SCOC: variants seen among roughly 807,000 people sequenced by gnomAD.
The protein encoded by SCOC is short coiled coil protein.
A neutral mutation model predicts 9.9 loss-of-function variants in SCOC; 7 were observed. The ratio of observed to expected loss-of-function variants is 0.71; its 90% CI spans 0.40 to 1.33. The LOEUF (loss-of-function observed/expected upper bound fraction) is 1.33, where lower values mean the gene tolerates loss of function less well. Ranked by LOEUF, SCOC falls within the 40% of genes most tolerant of loss-of-function variation. The pLI, the probability that SCOC is intolerant of heterozygous loss-of-function variation, is 0.01. For synonymous variants in SCOC, 19 were observed against 28.2 expected, an observed-to-expected ratio of 0.67 and a Z score of 1.03; for missense variants, 66 against 89.7, an observed-to-expected ratio of 0.74 and a Z score of 1.07.
chr4:140,308,996 T>C (rs1278223863), intron 1 of SCOC, among the ~76,000 whole-genome samples: 1 of 152,098 alleles, frequency 6.6e-6, no homozygotes, highest in Non-Finnish European at 1.5e-5. Context: ...AGGGCCATGA[T>C]GTGAGTAGAA....
At chr4:140,318,209 CA>C (rs1560698626) in intron 1 of SCOC, among the ~76,000 whole-genome samples, 1 of 134,360 alleles carries the variant, frequency 7.4e-6, no homozygotes, top group African/African-American at 3.0e-5. Flanking sequence ...CAATGGCAAC[CA>C]AAGCCAAAAT....
chr4:140,270,224 A>G (rs888923937), intron 1 of SCOC, among the ~76,000 whole-genome samples: 3 of 152,232 alleles, frequency 2.0e-5, no homozygotes, highest in Non-Finnish European at 2.9e-5. Flanking sequence ...ATTATGGGAT[A>G]CCATTCACTG....
intron 1 of SCOC, among the ~76,000 whole-genome samples, chr4:140,277,796 T>C (rs997618181): frequency 1.3e-5 from 2 of 152,216 alleles, no homozygotes; most frequent in African/African-American, 2.4e-5. Context: ...AGGATGCATG[T>C]TTGTTTCTAG....
intron 2 of SCOC, among the ~76,000 whole-genome samples, chr4:140,365,227 A>G (rs1192241463): frequency 6.6e-6 from 1 of 152,084 alleles, no homozygotes; most frequent in Non-Finnish European, 1.5e-5. Context: ...TCTTGGAGAA[A>G]TGTAAGAGCT....
intron 2 of SCOC, among the ~76,000 whole-genome samples, chr4:140,359,701 A>G (rs1375381751): frequency 2.0e-5 from 3 of 152,234 alleles, no homozygotes; most frequent in South Asian, 2.1e-4. Context: ...GTCTCATTCA[A>G]TATGACATCA....
chr4:140,379,095 A>G (rs540835665), intron 1 of SCOC, 26 bp from the exon 2 acceptor site: 26 of 1,406,672 alleles, frequency 1.8e-5, no homozygotes, highest in African/African-American at 1.4e-4. Flanking sequence ...GTATGTGTCT[A>G]TATTTCTGAA....
intron 1 of SCOC, among the ~76,000 whole-genome samples, chr4:140,314,986 C>T (rs1427482642): frequency 2.6e-5 from 4 of 152,190 alleles, no homozygotes; most frequent in Non-Finnish European, 5.9e-5. Context: ...GTCCCTTGAA[C>T]CCAAAAGAAT....
Position 140,301,690 on chromosome 4 carries a change from A to G in SCOC, c.-18-41931A>G, listed in dbSNP as rs186257711. On this transcript the variant is annotated intron_variant, in intron 1 of 4. Transcript: ENST00000394205. ...GACGAGAGTCTGGGTCTCAGCTGTG[A>G]AGTTACAGATGGAGGCATGGCTGAA... Among the ~76,000 whole-genome samples, 5 of 152,212 alleles carry G rather than the reference A, an allele frequency of 3.3e-5. No individual in the cohort carries two copies. The East Asian group carries it at 9.7e-4, about 30-fold the overall frequency.
intron 2 of SCOC, among the ~76,000 whole-genome samples, chr4:140,361,987 C>T (rs72939835): frequency 2.5e-3 from 380 of 152,106 alleles, no homozygotes; most frequent in African/African-American, 8.0e-3. Context: ...TCTTCTAAGG[C>T]TGAAGGGGAC....
At chr4:140,292,516 T>G (rs1731505728) in intron 1 of SCOC, among the ~76,000 whole-genome samples, 1 of 152,176 alleles carries the variant, frequency 6.6e-6, no homozygotes. Context: ...TGATGGCTTA[T>G]GCTAGCTAAT....
chr4:140,280,744 C>T (rs983663782), intron 1 of SCOC, among the ~76,000 whole-genome samples: 1 of 151,954 alleles, frequency 6.6e-6, no homozygotes, highest in Non-Finnish European at 1.5e-5. Context: ...GAAAACACAT[C>T]GGGTAGATTT....
At chr4:140,305,871 A>G (rs1399907591) in intron 1 of SCOC, among the ~76,000 whole-genome samples, 3 of 152,240 alleles carry the variant, frequency 2.0e-5, no homozygotes, top group Non-Finnish European at 4.4e-5. Flanking sequence ...ACAACGCTAG[A>G]GTCAGGGGGA....
chr4:140,317,442 G>T (rs1021868767), intron 1 of SCOC, among the ~76,000 whole-genome samples: 2 of 151,972 alleles, frequency 1.3e-5, no homozygotes, highest in Admixed American at 6.6e-5. Context: ...GTTCTGTTCC[G>T]TTCTGATTAC....
At chr4:140,302,034 ATGTTACCCAGGC>A (rs1731827527) in intron 1 of SCOC, among the ~76,000 whole-genome samples, 1 of 152,106 alleles carries the variant, frequency 6.6e-6, no homozygotes, top group African/African-American at 2.4e-5. Context: ...GGGTTTCGCC[ATGTTACCCAGGC>A]TGGTCTCAAA....
At chr4:140,286,361 GA>G (rs112709885) in intron 1 of SCOC, among the ~76,000 whole-genome samples, 129 of 143,094 alleles carry the variant, frequency 9.0e-4, no homozygotes, top group Middle Eastern at 3.5e-3. Context: ...GTTAAAGGCT[GA>G]AAAAAAAAAA....
chr4:140,311,739 T>C (rs1384303661), intron 1 of SCOC, among the ~76,000 whole-genome samples: 6 of 152,224 alleles, frequency 3.9e-5, no homozygotes, highest in Admixed American at 3.9e-4. Context: ...TTAAACTCTT[T>C]TGGTCTTACA....
At chr4:140,280,420 C>T (rs1161187570) in intron 1 of SCOC, among the ~76,000 whole-genome samples, 2 of 152,120 alleles carry the variant, frequency 1.3e-5, no homozygotes, top group Admixed American at 6.5e-5. Flanking sequence ...GGAGCCACTG[C>T]GCCTGGCCAT....
chr4:140,290,732 G>T (rs1281503129), intron 1 of SCOC, among the ~76,000 whole-genome samples: 2 of 152,186 alleles, frequency 1.3e-5, no homozygotes, highest in African/African-American at 4.8e-5. Context: ...AGAATCACTT[G>T]AACCCAGGAG....
chr4:140,377,946 ATTGG>A (rs1470679744), intron 1 of SCOC, among the ~76,000 whole-genome samples: 2 of 152,178 alleles, frequency 1.3e-5, no homozygotes, highest in African/African-American at 4.8e-5. Flanking sequence ...AGTAGATTAG[ATTGG>A]TTAACAAATC....
Sources: gnomAD v4.1 joint callset for allele counts (sites outside exome capture counted in the v4.1 genomes callset) on GRCh38, gnomAD v4.1.1 for gene constraint, MANE v1.5 for transcripts, NCBI Gene and HGNC (gene_info 2026-07-23, HGNC 2026-07-21) for gene names.